PCDHGB6: variants seen among roughly 807,000 people sequenced by gnomAD.
The protein encoded by PCDHGB6 is protocadherin gamma subfamily B, 6.
A neutral mutation model predicts 59.1 loss-of-function variants in PCDHGB6; 51 were observed. The observed-to-expected ratio is 0.86, with a 90% CI of 0.69 to 1.09. The LOEUF (loss-of-function observed/expected upper bound fraction) is 1.09. Ranked by LOEUF, PCDHGB6 falls within the 50% of genes least tolerant of loss-of-function variation. PCDHGB6 has a pLI of 0.00. For missense variants in PCDHGB6, 1,148 were observed against 1,205.1 expected (o/e 0.95, Z 0.70); for synonymous variants, 466 against 495.1 (o/e 0.94, Z 0.78).
intron 2 of PCDHGB6, among the ~76,000 whole-genome samples, chr5:141,496,206 A>C (rs2099766963): frequency 6.6e-6 from 1 of 152,126 alleles, no homozygotes; most frequent in South Asian, 2.1e-4. Context: ...TCAATCTGGT[A>C]TGAATTCCTG....
intron 1 of PCDHGB6, among the ~76,000 whole-genome samples, chr5:141,492,409 C>T (rs1367119266): frequency 6.6e-6 from 1 of 152,230 alleles, no homozygotes. Context: ...TCCCCTCTGC[C>T]GCTCCCTCCG....
intron 1 of PCDHGB6, chr5:141,427,796 C>A: frequency 6.7e-7 from 1 of 1,502,108 alleles, no homozygotes; most frequent in Non-Finnish European, 9.2e-7. Flanking sequence ...CCTACGTGTC[C>A]GTGAGCGCAC....
At chr5:141,411,227 G>A (rs1276536852) in intron 1 of PCDHGB6, 1 of 152,092 alleles carries the variant, frequency 6.6e-6, no homozygotes, top group Non-Finnish European at 1.5e-5. Context: ...TCAAATTTGC[G>A]AAGACTTAGT....
intron 1 of PCDHGB6, among the ~76,000 whole-genome samples, chr5:141,446,719 G>C (rs899985752): frequency 2.6e-5 from 4 of 152,056 alleles, no homozygotes; most frequent in Admixed American, 1.3e-4. Flanking sequence ...TGCCCGCCTC[G>C]GCCTCCCAAA....
chr5:141,463,041 G>C (rs1383781857), intron 1 of PCDHGB6, among the ~76,000 whole-genome samples: 1 of 152,114 alleles, frequency 6.6e-6, no homozygotes, highest in African/African-American at 2.4e-5. Flanking sequence ...TGAGTGTTCA[G>C]CAGGGTCTCT....
In PCDHGB6 at chr5:141,432,518, C is replaced by T. The variant is rs1314948517; in HGVS notation, c.2418+21898C>T. 6.2e-7 allele frequency: 1 copy of T among 1,614,126 alleles called. No homozygotes were observed. The highest frequency in any genetic ancestry group is 8.5e-7 in the Non-Finnish European group (1 of 1,180,024). On this transcript the variant is annotated intron_variant, in intron 1 of 3. Coordinates refer to ENST00000520790, the MANE Select transcript of PCDHGB6 (RefSeq NM_018926.3). This position sits in a 1 kb window ranked among gnomAD's most constrained non-coding sequence, Gnocchi z 6.0. The stretch of plus-strand genomic sequence containing the variant: ...TCCCCGCTCCGCAGAGCCCGGCTAC[C>T]TGGTGACCAAGGTGGTGGCGGTGGA...
rs139344941 is a variant in PCDHGB6, at chr5:141,480,950, C to T, written c.2419-13857C>T. Among the ~76,000 whole-genome samples the T allele has an allele frequency of 6.7e-3, 1,016 of 152,086 alleles. 11 individuals carry two copies. Among genetic ancestry groups the T allele is most frequent in the African/African-American group, 0.023 (953 of 41,456 alleles). On this transcript the variant is annotated intron_variant, in intron 1 of 3. Transcript: ENST00000520790. ...GTCCCAGCTACTCTAGAGGCTGAGG[C>T]GGAAGCATCAGTGAGGGAGAATCAG...
intron 2 of PCDHGB6, among the ~76,000 whole-genome samples, chr5:141,497,879 G>T (rs62379207): frequency 2.0e-5 from 3 of 152,128 alleles, no homozygotes; most frequent in Admixed American, 6.5e-5. Flanking sequence ...TGAAATAAGC[G>T]TTAGGATCTA....
chr5:141,508,901 C>T (rs1466455227), intron 3 of PCDHGB6, among the ~76,000 whole-genome samples: 1 of 151,946 alleles, frequency 6.6e-6, no homozygotes, highest in South Asian at 2.1e-4. Flanking sequence ...GGGGGCGGGG[C>T]GGTGGCGGAT....
At chr5:141,464,480 A>T (rs1013894368) in intron 1 of PCDHGB6, among the ~76,000 whole-genome samples, 4 of 151,864 alleles carry the variant, frequency 2.6e-5, no homozygotes, top group African/African-American at 7.3e-5. Flanking sequence ...CGTATAATAA[A>T]TTCCTAATAG....
At position 141,417,888 on chromosome 5, in the gene PCDHGB6, G is replaced by C. The variant is rs1406210540; in HGVS notation, c.2418+7268G>C. ...GGAGGGAGCTGCGCGCAGAGGCGCC[G>C]GGCCGGCCCGCGGCAGGTACTATTT... is the stretch of plus-strand genomic sequence containing the variant. On this transcript the variant is annotated intron_variant, in intron 1 of 3. Transcript: ENST00000520790. 1.3e-6 allele frequency: 2 copies of C among 1,566,652 alleles called. No homozygotes were observed. The highest frequency in any genetic ancestry group is 1.7e-4 in the Middle Eastern group (1 of 6,016).
chr5:141,510,954 T>G lies in PCDHGB6; in HGVS notation c.2574T>G (p.Ala858=), dbSNP rs774590102. The change falls in exon 4 of 4, where the codon GCT becomes GCG. Residue 858 remains alanine, a synonymous_variant. Coordinates refer to ENST00000520790, the MANE Select transcript of PCDHGB6 (RefSeq NM_018926.3). ...AMILASASEA[A]DGSSTLGGGA... ...CTTCCTCTGTCTCTGCAGAAGCTGC[T>G]GATGGGAGCTCCACCCTGGGAGGGG... is the stretch of plus-strand genomic sequence containing the variant. The G allele has an allele frequency of 3.1e-6, 5 of 1,614,162 alleles. No homozygotes were observed. The Admixed American group carries it at 8.3e-5, about 27-fold the overall frequency.
At chr5:141,415,650 A>G in intron 1 of PCDHGB6, 1 of 1,597,054 alleles carries the variant, frequency 6.3e-7, no homozygotes, top group Non-Finnish European at 8.5e-7. Context: ...TTAAAAAAAA[A>G]AAGATTGGTT....
At chr5:141,423,577 G>T (rs1348410879) in intron 1 of PCDHGB6, 1 of 1,613,478 alleles carries the variant, frequency 6.2e-7, no homozygotes, top group Admixed American at 1.7e-5. Flanking sequence ...CATCAGCCAG[G>T]AGAGCTGTGA....
chr5:141,468,681 A>G (rs1415798588), intron 1 of PCDHGB6: 1 of 151,830 alleles, frequency 6.6e-6, no homozygotes, highest in African/African-American at 2.4e-5. Flanking sequence ...CCTGGCTAAC[A>G]CGGTGAAACC....
chr5:141,410,185 T>A lies in PCDHGB6; in HGVS notation c.1983T>A (p.His661Gln), dbSNP rs373680185. 10 of 1,613,812 alleles carry A rather than the reference T, an allele frequency of 6.2e-6. No individual in the cohort carries two copies. The African/African-American group carries it at 1.3e-4, about 22-fold the overall frequency. The change falls in exon 1 of 4, where the codon CAT (histidine) becomes CAA (glutamine). Residue 661 changes from histidine to glutamine, a missense_variant. By Grantham distance (24) the His-to-Gln change is conservative. Around this residue, in one of 5 missense-constraint regions of PCDHGB6, gnomAD observed 549 missense variants for 527.5 expected, o/e 1.04. Transcript: ENST00000520790. ...CACTCTCTGCCACCGCCACGCTTCA[T>A]CTGGTCTTCGCAGACAACTTGCAAG... ...QPPLSATATL[H>Q]LVFADNLQEI...
chr5:141,426,369 A>G, intron 1 of PCDHGB6: 1 of 205,906 alleles, frequency 4.9e-6, no homozygotes, highest in Non-Finnish European at 1.0e-5. Context: ...TCTGCGGGGC[A>G]CCCTCGGAGC....
Position 141,491,910 on chromosome 5 carries a change from G to A in PCDHGB6, c.2419-2897G>A, listed in dbSNP as rs946745903. 1.4e-5 allele frequency: 19 copies of A among 1,406,944 alleles called. No individual in the cohort carries two copies. The South Asian group carries it at 2.6e-4, about 19-fold the overall frequency. 87.2% of individuals were successfully genotyped at this position (1,406,944 alleles called of 1,614,324 possible). On this transcript the variant is annotated intron_variant, in intron 1 of 3. Transcript: ENST00000520790. This position sits in a 1 kb window ranked among gnomAD's most constrained non-coding sequence, Gnocchi z 6.9. ...GGCTCCGAGCACCGGGGGTGGTGGCGACTGTGGGCGAGGGGAGGTGGGACC... is the reference window on the plus strand; with the variant it reads ...GGCTCCGAGCACCGGGGGTGGTGGCAACTGTGGGCGAGGGGAGGTGGGACC...
intron 1 of PCDHGB6, chr5:141,419,724 G>A (rs200134846): frequency 1.9e-4 from 301 of 1,613,488 alleles, no homozygotes; most frequent in South Asian, 1.2e-3. Context: ...CTGGGGCTGC[G>A]AACAGGCGAG....
Sources: gnomAD v4.1 joint callset for allele counts (sites outside exome capture counted in the v4.1 genomes callset) on GRCh38, gnomAD v4.1.1 for gene constraint, gnomAD v4.1.1 regional missense constraint, Gnocchi (gnomAD v3.1) non-coding constraint, MANE v1.5 for transcripts, NCBI Gene and HGNC (gene_info 2026-07-23, HGNC 2026-07-21) for gene names.